Variants in MACROD2 observed in about 807,000 individuals in gnomAD.
The protein encoded by MACROD2 is mono-ADP ribosylhydrolase 2.
MACROD2 carries 36 observed loss-of-function variants against 70.4 expected under a neutral mutation model. The ratio of observed to expected loss-of-function variants is 0.51; its 90% CI spans 0.39 to 0.68. MACROD2 has a LOEUF of 0.68. Ranked by LOEUF, MACROD2 falls within the 30% of genes least tolerant of loss-of-function variation. MACROD2 has a pLI of 0.00. For synonymous variants in MACROD2, 172 were observed against 178.8 expected, an observed-to-expected ratio of 0.96 and a Z score of 0.30; for missense variants, 496 against 538.4, an observed-to-expected ratio of 0.92 and a Z score of 0.78.
chr20:15,389,905 C>G (rs1473468471), intron 6 of MACROD2, among the ~76,000 whole-genome samples: 1 of 152,036 alleles, frequency 6.6e-6, no homozygotes, highest in East Asian at 1.9e-4. Flanking sequence ...TTTGCAAAAT[C>G]AGGGTAAATA....
chr20:15,453,436 T>C (rs779711273), intron 7 of MACROD2, among the ~76,000 whole-genome samples: 2 of 152,300 alleles, frequency 1.3e-5, no homozygotes, highest in Non-Finnish European at 1.5e-5. Context: ...TTTTTAAAAT[T>C]ATGTTTACAT....
chr20:14,681,310 A>G (rs2070929318), intron 4 of MACROD2, among the ~76,000 whole-genome samples: 1 of 152,208 alleles, frequency 6.6e-6, no homozygotes, highest in Non-Finnish European at 1.5e-5. Context: ...TGGTTTATAC[A>G]AGTATGCAGA....
intron 6 of MACROD2, among the ~76,000 whole-genome samples, chr20:15,393,819 GCT>G (rs144712242): frequency 2.0e-5 from 3 of 151,814 alleles, no homozygotes; most frequent in Non-Finnish European, 4.4e-5. Flanking sequence ...CTTCTTGATT[GCT>G]CTCTCTCTCT....
chr20:14,603,987 T>C (rs6135200), intron 4 of MACROD2, among the ~76,000 whole-genome samples: 5,126 of 152,268 alleles, frequency 0.034, 148 homozygotes, highest in East Asian at 0.15. Context: ...CAATCTCGCT[T>C]CCCTCAGATT....
intron 5 of MACROD2, among the ~76,000 whole-genome samples, chr20:15,218,316 C>T (rs1333198512): frequency 1.3e-5 from 2 of 152,186 alleles, no homozygotes; most frequent in Non-Finnish European, 2.9e-5. Context: ...CCCATCCACT[C>T]TAAAACCATC....
At chr20:14,890,940 T>G (rs138013232) in intron 5 of MACROD2, among the ~76,000 whole-genome samples, 1,651 of 151,072 alleles carry the variant, frequency 0.011, 30 homozygotes, top group East Asian at 0.056. Flanking sequence ...AATAGGGATC[T>G]TCTTTCTCTT....
chr20:14,142,059 C>T (rs1427824899), intron 3 of MACROD2, among the ~76,000 whole-genome samples: 3 of 152,176 alleles, frequency 2.0e-5, no homozygotes, highest in Non-Finnish European at 2.9e-5. Context: ...AATCTAAAAA[C>T]TTGCCCAAGG....
Position 15,089,567 on chromosome 20 carries a change from A to G in MACROD2, c.419-140373A>G, listed in dbSNP as rs557461372. 9.2e-5 allele frequency among the ~76,000 whole-genome samples: 14 copies of G among 152,214 alleles called. No homozygotes were observed. The South Asian group carries it at 2.9e-3, about 32-fold the overall frequency. ...TAAGCTATAATCTCTCACGTATAGC[A>G]TAATGTATTTTATGCCCATGGCCCA... On this transcript the variant is annotated intron_variant, in intron 5 of 17. Coordinates refer to ENST00000684519, the MANE Select transcript of MACROD2 (RefSeq NM_001351661.2).
At chr20:14,579,936 G>A (rs966702956) in intron 4 of MACROD2, among the ~76,000 whole-genome samples, 1 of 152,154 alleles carries the variant, frequency 6.6e-6, no homozygotes, top group Non-Finnish European at 1.5e-5. Context: ...GAACTTGAAG[G>A]AACATGTTGC....
chr20:14,805,867 G>A (rs968308610), intron 5 of MACROD2, among the ~76,000 whole-genome samples: 1 of 152,036 alleles, frequency 6.6e-6, no homozygotes, highest in Non-Finnish European at 1.5e-5. Flanking sequence ...ATTTCAGGTT[G>A]TCTGTTAGGT....
chr20:14,211,510 T>C (rs139780584), intron 3 of MACROD2, among the ~76,000 whole-genome samples: 6 of 152,314 alleles, frequency 3.9e-5, no homozygotes, highest in African/African-American at 1.2e-4. Flanking sequence ...GCTAGATAGC[T>C]TTCATTTATA....
chr20:14,353,983 A>T (rs889415715), intron 3 of MACROD2, among the ~76,000 whole-genome samples: 1 of 152,154 alleles, frequency 6.6e-6, no homozygotes, highest in African/African-American at 2.4e-5. Flanking sequence ...CAAGTCGGCA[A>T]TCTGCAGTGT....
At chr20:15,557,353 T>A (rs892918655) in intron 8 of MACROD2, among the ~76,000 whole-genome samples, 3 of 152,222 alleles carry the variant, frequency 2.0e-5, no homozygotes, top group African/African-American at 4.8e-5. Context: ...GTTTTACAGT[T>A]CCTGATTCTA....
chr20:14,719,157 G>A (rs1188789565), intron 5 of MACROD2, among the ~76,000 whole-genome samples: 3 of 151,948 alleles, frequency 2.0e-5, no homozygotes, highest in South Asian at 2.1e-4. Context: ...ACTTGAACTC[G>A]GGAGGCAGAG....
intron 3 of MACROD2, among the ~76,000 whole-genome samples, chr20:14,492,305 A>G (rs143670016): frequency 0.012 from 1,813 of 152,262 alleles, 41 homozygotes; most frequent in African/African-American, 0.042. Flanking sequence ...AGCAAGAGCA[A>G]CAGTTAGACA....
intron 6 of MACROD2, among the ~76,000 whole-genome samples, chr20:15,277,965 G>A (rs6043164): frequency 0.23 from 35,060 of 152,022 alleles, 4,851 homozygotes; most frequent in African/African-American, 0.39. Context: ...AATAAACAGC[G>A]TAGTGTTTAA....
intron 4 of MACROD2, among the ~76,000 whole-genome samples, chr20:14,534,772 A>G (rs536679362): frequency 1.3e-5 from 2 of 151,752 alleles, no homozygotes; most frequent in East Asian, 3.9e-4. Context: ...AAAGAGAACT[A>G]TGAAATATAT....
chr20:15,962,059 T>C (rs909141098), intron 12 of MACROD2, among the ~76,000 whole-genome samples: 20 of 152,240 alleles, frequency 1.3e-4, no homozygotes, highest in African/African-American at 4.8e-4. Context: ...ACCAGCTTCA[T>C]ATTCCAGCTG....
At chr20:15,210,999 G>A (rs1177441203) in intron 5 of MACROD2, among the ~76,000 whole-genome samples, 1 of 152,080 alleles carries the variant, frequency 6.6e-6, no homozygotes, top group African/African-American at 2.4e-5. Context: ...CAGTGGTGTT[G>A]GCACATTCAC....
Sources: allele counts gnomAD v4.1 joint callset (sites outside exome capture counted in the v4.1 genomes callset), GRCh38; gene constraint gnomAD v4.1.1; transcripts MANE v1.5; gene names NCBI Gene and HGNC (gene_info 2026-07-23, HGNC 2026-07-21).